The following PHACTR1 variants were observed in gnomAD, a reference collection of about 807,000 sequenced individuals.
The protein encoded by PHACTR1 is phosphatase and actin regulator 1.
Under a neutral mutation model 69.2 loss-of-function variants are expected in PHACTR1, and 16 were observed. That is an observed-to-expected ratio of 0.23 (90% CI 0.16 to 0.35). PHACTR1 has a LOEUF of 0.35. Among genes scored for constraint, PHACTR1 ranks in the 10% least tolerant of loss-of-function variants. The pLI is 1.00. For missense variants in PHACTR1, 510 were observed against 734.7 expected, an observed-to-expected ratio of 0.69 and a Z score of 3.54; for synonymous variants, 312 against 284.5, an observed-to-expected ratio of 1.10 and a Z score of -0.97.
chr6:13,200,699 CG>C (rs200598665), intron 7 of PHACTR1, among the ~76,000 whole-genome samples: 2,828 of 151,618 alleles, frequency 0.019, 92 homozygotes, highest in African/African-American at 0.064. Flanking sequence ...TTTGGGAGGC[CG>C]GGGTGGGTGG....
At chr6:13,184,164 C>T (rs6922797) in intron 7 of PHACTR1, among the ~76,000 whole-genome samples, 5,781 of 152,274 alleles carry the variant, frequency 0.038, 246 homozygotes, top group African/African-American at 0.099. Flanking sequence ...TGCTGCTCAG[C>T]GCCGGGCACT....
chr6:13,017,832 T>C (rs990193678), intron 4 of PHACTR1, among the ~76,000 whole-genome samples: 2 of 152,202 alleles, frequency 1.3e-5, no homozygotes, highest in African/African-American at 4.8e-5. Context: ...CCTCTCAGTC[T>C]TATTTTGTAA....
chr6:12,915,381 C>T (rs1172198631), intron 4 of PHACTR1, among the ~76,000 whole-genome samples: 2 of 151,840 alleles, frequency 1.3e-5, no homozygotes, highest in African/African-American at 4.8e-5. Context: ...GTGATGTGCA[C>T]CTGTAATCTC....
At chr6:13,033,851 A>G (rs1802840630) in intron 4 of PHACTR1, among the ~76,000 whole-genome samples, 1 of 151,436 alleles carries the variant, frequency 6.6e-6, no homozygotes, top group Non-Finnish European at 1.5e-5. Context: ...AAAATTGTTC[A>G]TACTTTACAC....
chr6:13,178,351 G>A (rs531894281), intron 6 of PHACTR1, among the ~76,000 whole-genome samples: 217 of 152,278 alleles, frequency 1.4e-3, no homozygotes, highest in Admixed American at 5.2e-3. Flanking sequence ...TTTCCTGCCG[G>A]AAACCTCATC....
At chr6:13,148,129 G>GTTT (rs11428535) in intron 5 of PHACTR1, among the ~76,000 whole-genome samples, 1 of 140,088 alleles carries the variant, frequency 7.1e-6, no homozygotes, top group Non-Finnish European at 1.5e-5. Flanking sequence ...CTTTTGCCTT[G>GTTT]TTTTTTTTTT....
At chr6:13,147,938 T>C (rs1253746156) in intron 5 of PHACTR1, among the ~76,000 whole-genome samples, 1 of 152,174 alleles carries the variant, frequency 6.6e-6, no homozygotes, top group Non-Finnish European at 1.5e-5. Context: ...AGCCCCTTAA[T>C]GTACCTTTCT....
intron 4 of PHACTR1, among the ~76,000 whole-genome samples, chr6:13,002,736 A>G (rs549160563): frequency 6.6e-6 from 1 of 152,338 alleles, no homozygotes; most frequent in Admixed American, 6.5e-5. Flanking sequence ...TTGTCTTAAT[A>G]TGCACCATTT....
intron 6 of PHACTR1, among the ~76,000 whole-genome samples, chr6:13,172,384 C>A (rs1385438179): frequency 1.3e-5 from 2 of 152,154 alleles, no homozygotes; most frequent in Non-Finnish European, 2.9e-5. Context: ...ATGCACTTGG[C>A]GTGCAGACTG....
In PHACTR1 at chr6:12,823,557, T is replaced by C. The variant is rs1377060402; in HGVS notation, c.250+73767T>C. Among the ~76,000 whole-genome samples, 3 of 152,336 alleles carry C rather than the reference T, an allele frequency of 2.0e-5. No individual in the cohort carries two copies. The Middle Eastern group carries it at 0.01, about 518-fold the overall frequency. ...TCTGGACTTGGACAGATCTGTCTTG[T>C]AGATTTTCATAGCAATTGGAGATCC... is the stretch of plus-strand genomic sequence containing the variant. On this transcript the variant is annotated intron_variant, in intron 4 of 14. Coordinates refer to ENST00000332995, the MANE Select transcript of PHACTR1 (RefSeq NM_030948.6).
intron 6 of PHACTR1, among the ~76,000 whole-genome samples, chr6:13,166,749 G>A (rs977325749): frequency 1.3e-5 from 2 of 152,090 alleles, no homozygotes; most frequent in South Asian, 2.1e-4. Flanking sequence ...TAGTCATCCC[G>A]AGGTATACGC....
intron 4 of PHACTR1, among the ~76,000 whole-genome samples, chr6:12,779,624 C>T (rs1490833239): frequency 6.6e-6 from 1 of 152,168 alleles, no homozygotes; most frequent in Non-Finnish European, 1.5e-5. Context: ...CATTTTAACC[C>T]ATTTGGTGTA....
At chr6:13,046,717 G>A (rs1362895369) in intron 4 of PHACTR1, among the ~76,000 whole-genome samples, 1 of 151,196 alleles carries the variant, frequency 6.6e-6, no homozygotes, top group Non-Finnish European at 1.5e-5. Context: ...CCCAATCTTT[G>A]TCCCATCCAC....
At chr6:13,247,247 TGTAAATCCAACC>T (rs1411072882) in intron 10 of PHACTR1, among the ~76,000 whole-genome samples, 1 of 152,136 alleles carries the variant, frequency 6.6e-6, no homozygotes, top group Non-Finnish European at 1.5e-5. Context: ...TTGCCTCTCC[TGTAAATCCAACC>T]GTCCTTTCGA....
intron 10 of PHACTR1, among the ~76,000 whole-genome samples, chr6:13,241,988 G>C (rs1286512804): frequency 6.9e-6 from 1 of 145,240 alleles, no homozygotes; most frequent in Non-Finnish European, 1.5e-5. Flanking sequence ...AGCTGAGTTT[G>C]CACCACTGCA....
At chr6:12,795,344 G>T (rs1370918650) in intron 4 of PHACTR1, among the ~76,000 whole-genome samples, 1 of 152,168 alleles carries the variant, frequency 6.6e-6, no homozygotes, top group Non-Finnish European at 1.5e-5. Flanking sequence ...CGGGTAACTA[G>T]CTGTGTCAAT....
intron 4 of PHACTR1, among the ~76,000 whole-genome samples, chr6:12,777,920 T>C (rs1354206731): frequency 1.3e-5 from 2 of 152,150 alleles, no homozygotes; most frequent in Non-Finnish European, 2.9e-5. Flanking sequence ...GCATGAGCCA[T>C]GGCGCCCAGC....
At chr6:13,141,724 C>CTTTTTTTTTTTTTTTTTTTTTTTTTTTT (rs577073698) in intron 5 of PHACTR1, among the ~76,000 whole-genome samples, 6 of 89,826 alleles carry the variant, frequency 6.7e-5, no homozygotes, top group Non-Finnish European at 1.1e-4. Flanking sequence ...TTTCTTCTTT[C>CTTTTTTTTTTTTTTTTTTTTTTTTTTTT]TTTTTTTTTT....
intron 4 of PHACTR1, among the ~76,000 whole-genome samples, chr6:12,762,177 T>A (rs1003285623): frequency 1.3e-5 from 2 of 152,216 alleles, no homozygotes; most frequent in African/African-American, 4.8e-5. Flanking sequence ...AGAAGCAAAT[T>A]TATGACTGAC....
Sources: gnomAD v4.1 joint callset for allele counts (sites outside exome capture counted in the v4.1 genomes callset) on GRCh38, gnomAD v4.1.1 for gene constraint, MANE v1.5 for transcripts, NCBI Gene and HGNC (gene_info 2026-07-23, HGNC 2026-07-21) for gene names.